Variants in SPATA13 observed in about 807,000 individuals in gnomAD.
SPATA13 encodes spermatogenesis-associated protein 13.
A neutral mutation model predicts 104.0 loss-of-function variants in SPATA13; 50 were observed. The ratio of observed to expected loss-of-function variants is 0.48; its 90% CI spans 0.38 to 0.61. The LOEUF is 0.61. SPATA13 is among the 20% of genes least tolerant of loss of function. The pLI is 0.00. For synonymous variants in SPATA13, 606 were observed against 667.5 expected (o/e 0.91, Z 1.42); for missense variants, 1,524 against 1,690.6 (o/e 0.90, Z 1.73).
intron 3 of SPATA13, among the ~76,000 whole-genome samples, chr13:24,043,493 CA>C (rs1878011831): frequency 6.6e-6 from 1 of 152,122 alleles, no homozygotes; most frequent in Non-Finnish European, 1.5e-5. Context: ...CACACACACA[CA>C]CCCATGAACA....
At chr13:24,151,320 G>A (rs950681417) in intron 3 of SPATA13, among the ~76,000 whole-genome samples, 4 of 152,250 alleles carry the variant, frequency 2.6e-5, no homozygotes, top group East Asian at 1.9e-4. Flanking sequence ...CTGAGGACCC[G>A]GAACCATTTG....
At chr13:24,122,068 A>G in intron 3 of SPATA13, 1 of 1,585,054 alleles carries the variant, frequency 6.3e-7, no homozygotes, top group South Asian at 1.1e-5. Context: ...AGATAACTCA[A>G]TTCATCCCTG....
intron 3 of SPATA13, among the ~76,000 whole-genome samples, chr13:24,029,949 A>G (rs2137713910): frequency 6.6e-6 from 1 of 152,258 alleles, no homozygotes; most frequent in Admixed American, 6.5e-5. Flanking sequence ...TGCAAAGGAC[A>G]TGATCTAATT....
intron 1 of SPATA13, among the ~76,000 whole-genome samples, chr13:24,172,792 A>G (rs1444358470): frequency 6.6e-6 from 1 of 152,114 alleles, no homozygotes; most frequent in Admixed American, 6.5e-5. Flanking sequence ...CCTGATTTTA[A>G]AATTGTTTTA....
intron 3 of SPATA13, among the ~76,000 whole-genome samples, chr13:24,089,103 G>C (rs2137788550): frequency 6.6e-6 from 1 of 152,266 alleles, no homozygotes; most frequent in African/African-American, 2.4e-5. Flanking sequence ...GTGTGTCAGG[G>C]GACACAACCT....
At chr13:24,028,600 T>C (rs1435219347) in intron 3 of SPATA13, among the ~76,000 whole-genome samples, 1 of 152,252 alleles carries the variant, frequency 6.6e-6, no homozygotes, top group East Asian at 1.9e-4. Flanking sequence ...TCTGGCATTA[T>C]ATTCTTTATG....
chr13:24,263,951 G>T (rs1874178822), intron 4 of SPATA13, among the ~76,000 whole-genome samples: 1 of 152,220 alleles, frequency 6.6e-6, no homozygotes, highest in African/African-American at 2.4e-5. Flanking sequence ...AGGCTTCTGT[G>T]TGCAGAACAA....
intron 1 of SPATA13, among the ~76,000 whole-genome samples, chr13:24,203,028 ACATAGGTAAACG>A (rs1211834867): frequency 1.3e-5 from 2 of 152,082 alleles, no homozygotes; most frequent in Non-Finnish European, 2.9e-5. Flanking sequence ...CAGGTTTGTT[ACATAGGTAAACG>A]TGTGCCATGG....
intron 3 of SPATA13, among the ~76,000 whole-genome samples, chr13:24,120,208 T>C (rs17354429): frequency 0.079 from 11,539 of 146,156 alleles, 571 homozygotes; most frequent in South Asian, 0.13. Flanking sequence ...GAAAAAAAAA[T>C]CAGGATTCTA....
At chr13:24,232,603 G>A (rs980342412) in intron 2 of SPATA13, among the ~76,000 whole-genome samples, 2 of 152,156 alleles carry the variant, frequency 1.3e-5, no homozygotes, top group Non-Finnish European at 2.9e-5. Context: ...GTACAATGGT[G>A]CAATCACAGC....
In SPATA13 at chr13:24,011,747, G is replaced by A. The variant is rs1876479449; in HGVS notation, c.-146-5920G>A. Among the ~76,000 whole-genome samples the A allele has an allele frequency of 6.6e-6, 1 of 152,124 alleles. No individual in the cohort carries two copies. The highest frequency in any genetic ancestry group is 2.4e-5 in the African/African-American group (1 of 41,388). ...TCCTTCCTGGCAGGGGGCATGCAGA[G>A]AACATAGTCTTCAGCTCTGGCCAAG... On this transcript the variant is annotated intron_variant, in intron 2 of 14. Transcript: ENST00000424834. The surrounding 1 kb of genome is among the most constrained non-coding windows in gnomAD (Gnocchi z 4.3).
Position 24,305,154 on chromosome 13 carries a change from A to ATATT in SPATA13, c.*2386_*2389dup, listed in dbSNP as rs1211296374. The ATATT allele has an allele frequency of 1.3e-5, 2 of 152,102 alleles. No homozygotes were observed. 9.4% of individuals were successfully genotyped at this position (152,102 alleles called of 1,614,324 possible). A position where few individuals can be genotyped will look rare whatever the true frequency, so the allele number is the denominator to read the frequency against. On this transcript the variant is annotated 3_prime_UTR_variant, in exon 13 of 13. Coordinates refer to ENST00000382108, the MANE Select transcript of SPATA13 (RefSeq NM_001166271.3). ...TCATTCTTAGGACTTCCATTTCCTA[A>ATATT]TATTTATTCATGGGTAATGAAGAAA... is the stretch of plus-strand genomic sequence containing the variant.
chr13:24,236,449 G>T (rs1872572267), intron 2 of SPATA13, among the ~76,000 whole-genome samples: 1 of 151,964 alleles, frequency 6.6e-6, no homozygotes, highest in Admixed American at 6.6e-5. Context: ...AAAAAAATTA[G>T]CTGGGCGTGG....
chr13:24,302,912 CTTGG>C lies in SPATA13; in HGVS notation c.*140_*143del, dbSNP rs980638409. On this transcript the variant is annotated 3_prime_UTR_variant, in exon 13 of 13. Transcript: ENST00000382108. ...TAGGGATCAATGAAGGAGAGAAGGT[CTTGG>C]AATCACCTTCAGTCTTTGGAGACCC... The C allele has an allele frequency of 4.7e-6, 5 of 1,067,856 alleles. No individual in the cohort carries two copies. The highest frequency in any genetic ancestry group is 3.1e-5 in the African/African-American group (2 of 63,498). 66.1% of individuals were successfully genotyped at this position (1,067,856 alleles called of 1,614,324 possible).
intron 1 of SPATA13, among the ~76,000 whole-genome samples, chr13:24,173,230 A>G (rs989447544): frequency 2.0e-5 from 3 of 152,116 alleles, no homozygotes; most frequent in Non-Finnish European, 4.4e-5. Context: ...GGCATGTGTC[A>G]CCAGGCGTGG....
rs1244701171 is a variant in SPATA13 at position 24,297,399 on chromosome 13, C to G, written c.3247C>G (p.His1083Asp). ...DILDRSSELI[H>D]SGELTKITKQ... ...CTTAGACCGAAGCTCAGAATTGATT[C>G]ATTCTGGGGAGCTGACCAAAATCAC... The change falls in exon 11 of 13, where the codon CAT becomes GAT. Residue 1083 changes from histidine to aspartate, a missense_variant. His to Asp is a moderately conservative substitution (Grantham distance 81). Transcript: ENST00000382108. 1 of 1,613,178 alleles carries G rather than the reference C, an allele frequency of 6.2e-7. No individual in the cohort carries two copies. The highest frequency in any genetic ancestry group is 8.5e-7 in the Non-Finnish European group (1 of 1,179,444).
intron 3 of SPATA13, among the ~76,000 whole-genome samples, chr13:24,142,602 C>T (rs1881797307): frequency 6.6e-6 from 1 of 152,110 alleles, no homozygotes; most frequent in Non-Finnish European, 1.5e-5. Context: ...TATATTGGAG[C>T]TTTTCTTTAA....
intron 3 of SPATA13, among the ~76,000 whole-genome samples, chr13:24,068,879 G>T (rs1593310253): frequency 6.6e-6 from 1 of 152,112 alleles, no homozygotes; most frequent in East Asian, 1.9e-4. Flanking sequence ...TTGTAAATGT[G>T]TTTAAGTTCC....
At chr13:24,090,181 T>C (rs1368307045) in intron 3 of SPATA13, among the ~76,000 whole-genome samples, 1 of 151,632 alleles carries the variant, frequency 6.6e-6, no homozygotes, top group Non-Finnish European at 1.5e-5. Flanking sequence ...TCCCCCCAGT[T>C]CTCTGCACTT....
Sources: gnomAD v4.1 joint callset for allele counts (sites outside exome capture counted in the v4.1 genomes callset) on GRCh38, gnomAD v4.1.1 for gene constraint, Gnocchi (gnomAD v3.1) non-coding constraint, MANE v1.5 for transcripts, NCBI Gene and HGNC (gene_info 2026-07-23, HGNC 2026-07-21) for gene names.